The following AGMO variants were observed in gnomAD, a reference collection of about 807,000 sequenced individuals.
AGMO encodes the protein alkylglycerol monooxygenase, also known as glyceryl-ether monooxygenase.
In AGMO, 75 loss-of-function variants were observed where a neutral mutation model predicts 60.2. The observed-to-expected ratio is 1.25, with a 90% confidence interval of 1.03 to 1.51. The LOEUF is 1.51. Ranked by LOEUF, AGMO falls within the 40% of genes most tolerant of loss-of-function variation. The pLI is 0.00. For synonymous variants in AGMO, 261 were observed against 177.1 expected (o/e 1.47, Z -3.76); for missense variants, 763 against 525.5 (o/e 1.45, Z -4.42).
rs1469507120 is a variant in AGMO at position 15,385,611 on chromosome 7, C to A, written c.958-49G>T. 1.1e-5 allele frequency: 12 copies of A among 1,062,428 alleles called. No homozygotes were observed. In the Admixed American group the frequency reaches 2.3e-4, roughly 20 times the overall value. 65.8% of individuals were successfully genotyped at this position (1,062,428 alleles called of 1,614,324 possible). A position where few individuals can be genotyped will look rare whatever the true frequency, so the allele number is the denominator to read the frequency against. On this transcript the variant is annotated intron_variant, in intron 9 of 12. Coordinates refer to ENST00000342526, the MANE Select transcript of AGMO (RefSeq NM_001004320.2). ...TTTATATTGCTCCAGACTCATTTTT[C>A]TTACTGAAATTCACACTAAGAGATA... is the stretch of plus-strand genomic sequence containing the variant.
chr7:15,368,360 C>T (rs1583465797), intron 10 of AGMO, among the ~76,000 whole-genome samples: 2 of 151,240 alleles, frequency 1.3e-5, no homozygotes, highest in East Asian at 1.9e-4. Context: ...ATTAAAATGG[C>T]ATCTCTCACT....
At chr7:15,253,265 C>T (rs1025691484) in intron 12 of AGMO, among the ~76,000 whole-genome samples, 13 of 152,112 alleles carry the variant, frequency 8.5e-5, no homozygotes, top group African/African-American at 2.9e-4. Flanking sequence ...GTGTGCATTT[C>T]AGAACTTAAG....
intron 12 of AGMO, among the ~76,000 whole-genome samples, chr7:15,319,408 A>G (rs1417644255): frequency 1.3e-5 from 2 of 152,116 alleles, no homozygotes; most frequent in Non-Finnish European, 2.9e-5. Context: ...CCCTCATAAA[A>G]CAACCCTGAA....
At chr7:15,431,452 A>C (rs1452669785) in intron 3 of AGMO, among the ~76,000 whole-genome samples, 4 of 151,898 alleles carry the variant, frequency 2.6e-5, no homozygotes, top group Non-Finnish European at 5.9e-5. Context: ...ATGTTGTGAC[A>C]ATACATTCAA....
Position 15,360,648 on chromosome 7 carries a change from GGAGGTGGAT to G in AGMO, c.1263+4857_1263+4865del, listed in dbSNP as rs544962307. On this transcript the variant is annotated intron_variant, in intron 12 of 12. Coordinates refer to ENST00000342526, the MANE Select transcript of AGMO (RefSeq NM_001004320.2). ...AGTGGCAGAGGTTGGAGGAGGTGGA[GGAGGTGGAT>G]GAGGTGTAAGGGGAGGCCGGAGAGA... is the stretch of plus-strand genomic sequence containing the variant. 4.9e-3 allele frequency among the ~76,000 whole-genome samples: 745 copies of G among 152,124 alleles called. 10 individuals carry two copies. Among genetic ancestry groups the G allele is most frequent in the African/African-American group, 0.017 (700 of 41,486 alleles).
intron 12 of AGMO, among the ~76,000 whole-genome samples, chr7:15,320,894 A>G (rs1244980161): frequency 6.6e-6 from 1 of 152,158 alleles, no homozygotes; most frequent in African/African-American, 2.4e-5. Context: ...GTTTTTTAAA[A>G]CAATAAAGTT....
chr7:15,130,851 AAT>A, the AGMO span, among the ~76,000 whole-genome samples: 2 of 152,172 alleles, frequency 1.3e-5, no homozygotes, highest in Non-Finnish European at 2.9e-5. Context: ...AGGAGTGAGT[AAT>A]ACATGAGCAA....
At chr7:15,555,288 TATATACACACACACACACACAC>T (rs1785100913) in intron 2 of AGMO, among the ~76,000 whole-genome samples, 1 of 100,004 alleles carries the variant, frequency 1.0e-5, no homozygotes, top group Admixed American at 1.0e-4. Context: ...TATATATATA[TATATACACACACACACACACAC>T]ACACACACAC....
At chr7:15,505,946 C>G (rs922017375) in intron 3 of AGMO, among the ~76,000 whole-genome samples, 1 of 151,960 alleles carries the variant, frequency 6.6e-6, no homozygotes, top group Non-Finnish European at 1.5e-5. Flanking sequence ...AAGAGTTCAC[C>G]TACATAATTG....
At chr7:15,414,387 T>C (rs1322669161) in intron 5 of AGMO, among the ~76,000 whole-genome samples, 1 of 152,080 alleles carries the variant, frequency 6.6e-6, no homozygotes, top group Non-Finnish European at 1.5e-5. Context: ...TATATTACTA[T>C]AAAAGTCTTA....
chr7:15,356,683 G>A (rs1023258648), intron 12 of AGMO, among the ~76,000 whole-genome samples: 4 of 151,660 alleles, frequency 2.6e-5, no homozygotes, highest in African/African-American at 7.3e-5. Context: ...TTAGAATGGT[G>A]TTTATTTTAT....
intron 2 of AGMO, among the ~76,000 whole-genome samples, 174 bp from the exon 3 acceptor site, chr7:15,545,097 A>G (rs1193519065): frequency 6.6e-6 from 1 of 152,162 alleles, no homozygotes; most frequent in Non-Finnish European, 1.5e-5. Flanking sequence ...CTTGGTATCA[A>G]AATCATTCAC....
chr7:15,506,100 T>C (rs1274324718), intron 3 of AGMO, among the ~76,000 whole-genome samples: 3 of 152,058 alleles, frequency 2.0e-5, no homozygotes, highest in Admixed American at 6.6e-5. Flanking sequence ...TTTATTAACA[T>C]TCAAAAGTAG....
chr7:15,136,926 A>G, the AGMO span, among the ~76,000 whole-genome samples: 1 of 152,150 alleles, frequency 6.6e-6, no homozygotes, highest in Admixed American at 6.5e-5. Context: ...TCTAGCCTAA[A>G]GACTGTTCTC....
At chr7:15,240,052 TCTG>T (rs1782544456) in intron 12 of AGMO, among the ~76,000 whole-genome samples, 2 of 152,154 alleles carry the variant, frequency 1.3e-5, no homozygotes, top group Admixed American at 1.3e-4. Context: ...AACAGTAACT[TCTG>T]CTGCCAATAG....
chr7:15,242,510 T>C (rs1031957265), intron 12 of AGMO, among the ~76,000 whole-genome samples: 15 of 152,150 alleles, frequency 9.9e-5, no homozygotes, highest in African/African-American at 3.6e-4. Context: ...ATACAAAAGA[T>C]TGGTGAGGCT....
At chr7:15,167,047 A>G in the AGMO span, among the ~76,000 whole-genome samples, 10 of 152,168 alleles carry the variant, frequency 6.6e-5, no homozygotes, top group Admixed American at 6.5e-4. Context: ...CTAATAGTCT[A>G]AACTGACATT....
At chr7:15,322,512 A>AAATATG (rs1781152580) in intron 12 of AGMO, among the ~76,000 whole-genome samples, 3 of 88,744 alleles carry the variant, frequency 3.4e-5, no homozygotes, top group Admixed American at 1.9e-4. Flanking sequence ...ATAAATATAT[A>AAATATG]TATAAATATA....
downstream of AGMO, among the ~76,000 whole-genome samples, chr7:15,196,383 C>A (rs1781115373): frequency 6.6e-6 from 1 of 152,084 alleles, no homozygotes; most frequent in African/African-American, 2.4e-5. Context: ...GCAAAATGAT[C>A]TCATGTGAAA....
Sources: gnomAD v4.1 joint callset for allele counts (sites outside exome capture counted in the v4.1 genomes callset) on GRCh38, gnomAD v4.1.1 for gene constraint, MANE v1.5 for transcripts, NCBI Gene and HGNC (gene_info 2026-07-23, HGNC 2026-07-21) for gene names.